Variants in CSMD3 observed in about 807,000 individuals in gnomAD.
The protein encoded by CSMD3 is CUB and sushi domain-containing protein 3.
CSMD3 carries 177 observed loss-of-function variants against 435.2 expected under a neutral mutation model. The observed-to-expected ratio is 0.41, with a 90% CI of 0.36 to 0.46. CSMD3 has a LOEUF of 0.46. Ranked by LOEUF, CSMD3 falls within the 20% of genes least tolerant of loss-of-function variation. CSMD3 has a pLI of 0.34. For synonymous variants in CSMD3, 1,656 were observed against 1,520.5 expected (o/e 1.09, Z -2.07); for missense variants, 4,265 against 4,504.6 (o/e 0.95, Z 1.52).
At chr8:112,343,089 T>G (rs796254132) in intron 41 of CSMD3, among the ~76,000 whole-genome samples, 4 of 145,904 alleles carry the variant, frequency 2.7e-5, no homozygotes, top group African/African-American at 7.4e-5. Context: ...GAAAAGAGTA[T>G]GGTTATTAAA....
chr8:112,667,803 C>T (rs534437697), intron 16 of CSMD3, among the ~76,000 whole-genome samples: 2 of 152,190 alleles, frequency 1.3e-5, no homozygotes, highest in Non-Finnish European at 2.9e-5. Context: ...TTTAATACAT[C>T]ATTATTTCCA....
At chr8:112,608,739 T>C (rs1832993083) in intron 22 of CSMD3, among the ~76,000 whole-genome samples, 1 of 151,968 alleles carries the variant, frequency 6.6e-6, no homozygotes, top group Admixed American at 6.6e-5. Context: ...TCTAAGAATA[T>C]ATGAAGGGGA....
intron 10 of CSMD3, among the ~76,000 whole-genome samples, chr8:112,860,105 C>G (rs1564032739): frequency 6.6e-6 from 1 of 151,728 alleles, no homozygotes; most frequent in Non-Finnish European, 1.5e-5. Context: ...GATGGACCTC[C>G]TAAAAGTTTG....
intron 13 of CSMD3, among the ~76,000 whole-genome samples, chr8:112,731,144 A>G (rs2077064337): frequency 6.6e-6 from 1 of 152,094 alleles, no homozygotes. Context: ...CATTTCAGAT[A>G]TCTAATAGTT....
chr8:113,296,439 G>C (rs1159620637), intron 2 of CSMD3, among the ~76,000 whole-genome samples: 1 of 151,902 alleles, frequency 6.6e-6, no homozygotes, highest in Non-Finnish European at 1.5e-5. Context: ...GGAGAGAATT[G>C]CTTGAACCCA....
intron 7 of CSMD3, among the ~76,000 whole-genome samples, chr8:112,974,783 T>C (rs1220440445): frequency 6.6e-6 from 1 of 151,860 alleles, no homozygotes; most frequent in Non-Finnish European, 1.5e-5. Flanking sequence ...TTTTAATTAA[T>C]GTATGTAAAG....
At chr8:112,837,493 T>C (rs1290269087) in intron 11 of CSMD3, among the ~76,000 whole-genome samples, 1 of 151,788 alleles carries the variant, frequency 6.6e-6, no homozygotes, top group African/African-American at 2.4e-5. Flanking sequence ...TTCTCTAACT[T>C]ATATGAAATA....
At chr8:113,179,235 AT>A (rs75116044) in intron 3 of CSMD3, among the ~76,000 whole-genome samples, 20,793 of 151,690 alleles carry the variant, frequency 0.14, 2,606 homozygotes, top group African/African-American at 0.33. Context: ...AGTCATGTAT[AT>A]TTTTAGCAAG....
chr8:113,237,453 A>G (rs1303292557), intron 3 of CSMD3, among the ~76,000 whole-genome samples: 1 of 152,200 alleles, frequency 6.6e-6, no homozygotes, highest in African/African-American at 2.4e-5. Context: ...CCAGACTCAC[A>G]TATCTGGCAT....
chr8:113,408,385 T>C (rs1286933750), intron 1 of CSMD3, among the ~76,000 whole-genome samples: 1 of 152,106 alleles, frequency 6.6e-6, no homozygotes, highest in Non-Finnish European at 1.5e-5. Flanking sequence ...ATTGAAGAAA[T>C]AAAATTTGCA....
chr8:112,852,980 A>G (rs1015600293), intron 11 of CSMD3, among the ~76,000 whole-genome samples: 1 of 152,114 alleles, frequency 6.6e-6, no homozygotes, highest in African/African-American at 2.4e-5. Context: ...TTAATAATAC[A>G]AATACATTTT....
chr8:113,433,323 G>T (rs932348889), intron 1 of CSMD3, among the ~76,000 whole-genome samples: 1 of 152,066 alleles, frequency 6.6e-6, no homozygotes, highest in Non-Finnish European at 1.5e-5. Flanking sequence ...TATGGGCGAG[G>T]ACTGTGGGTG....
At chr8:113,336,606 G>A (rs140836108) in intron 1 of CSMD3, among the ~76,000 whole-genome samples, 28 of 152,162 alleles carry the variant, frequency 1.8e-4, no homozygotes, top group African/African-American at 6.5e-4. Context: ...GGAAGGGGAG[G>A]ATTACCTCAT....
intron 1 of CSMD3, among the ~76,000 whole-genome samples, chr8:113,375,536 C>CAT (rs1554623683): frequency 4.8e-4 from 72 of 150,542 alleles, no homozygotes; most frequent in African/African-American, 1.2e-3. Context: ...CACACACACA[C>CAT]ACACACACAC....
At chr8:112,644,075 TA>T (rs201299015) in intron 20 of CSMD3, among the ~76,000 whole-genome samples, 8 of 151,172 alleles carry the variant, frequency 5.3e-5, no homozygotes, top group Non-Finnish European at 8.9e-5. Flanking sequence ...TCAACAGAGC[TA>T]AAAAAAAGTA....
chr8:112,341,355 T>G lies in CSMD3; in HGVS notation c.6652+122A>C. 4.2e-6 allele frequency: 3 copies of G among 709,736 alleles called. No individual in the cohort carries two copies. The South Asian group carries it at 5.6e-5, about 13-fold the overall frequency. The allele number at this position is 709,736 out of a possible 1,614,324, so 44.0% of individuals were successfully genotyped here. A position where few individuals can be genotyped will look rare whatever the true frequency, so the allele number is the denominator to read the frequency against. ...AAATCTTCCTAATTGAAGCTCACCT[T>G]GGCTTAAGTTTTTTTTTTTTTCTTT... On this transcript the variant is annotated intron_variant, in intron 42 of 70. Coordinates refer to ENST00000297405, the MANE Select transcript of CSMD3 (RefSeq NM_198123.2).
At chr8:112,332,310 G>A (rs548935636) in intron 45 of CSMD3, among the ~76,000 whole-genome samples, 1 of 152,176 alleles carries the variant, frequency 6.6e-6, no homozygotes, top group Admixed American at 6.6e-5. Context: ...AAGAAGTGGA[G>A]GAAATGGGAC....
intron 1 of CSMD3, among the ~76,000 whole-genome samples, chr8:113,403,789 TA>T (rs1227413390): frequency 6.6e-6 from 1 of 151,460 alleles, no homozygotes; most frequent in Non-Finnish European, 1.5e-5. Flanking sequence ...TGTGTGTGGC[TA>T]AAATTAGAAG....
chr8:112,407,788 C>T (rs11992226), intron 34 of CSMD3, among the ~76,000 whole-genome samples: 3,100 of 151,956 alleles, frequency 0.02, 103 homozygotes, highest in African/African-American at 0.07. Context: ...TTAATGATAA[C>T]GTAGAAGGTT....
Sources: allele counts gnomAD v4.1 joint callset (sites outside exome capture counted in the v4.1 genomes callset), GRCh38; gene constraint gnomAD v4.1.1; transcripts MANE v1.5; gene names NCBI Gene and HGNC (gene_info 2026-07-23, HGNC 2026-07-21).